The following APC variants were observed in gnomAD, a reference collection of about 807,000 sequenced individuals.
APC encodes the protein APC regulator of Wnt signaling pathway.
Under a neutral mutation model 247.0 loss-of-function variants are expected in APC, and 72 were observed. That is an observed-to-expected ratio of 0.29 (90% CI 0.24 to 0.35). The LOEUF (loss-of-function observed/expected upper bound fraction) is 0.35. Among genes scored for constraint, APC ranks in the 10% least tolerant of loss-of-function variants. The probability of loss-of-function intolerance (pLI) is 1.00; values close to 1 mark genes in which losing one functional copy is unlikely to be tolerated. For missense variants in APC, 3,400 were observed against 3,360.7 expected (o/e 1.01, Z -0.29); for synonymous variants, 1,254 against 1,162.5 (o/e 1.08, Z -1.60).
At chr5:112,791,003 TACA>T (rs1759523500) in intron 6 of APC, among the ~76,000 whole-genome samples, 1 of 152,212 alleles carries the variant, frequency 6.6e-6, no homozygotes, top group African/African-American at 2.4e-5. Context: ...CAGAAAATGG[TACA>T]ACATTGTCAG....
At chr5:112,777,739 G>C (rs1580367948) in intron 5 of APC, 1 of 238,508 alleles carries the variant, frequency 4.2e-6, no homozygotes, top group Non-Finnish European at 9.3e-6. Context: ...TTTGCCAGCA[G>C]CAACTCTGCC....
At position 112,788,846 on chromosome 5, in the gene APC, C is replaced by T. The variant is rs1008300978; in HGVS notation, c.646-3600C>T. ...ATCATCGCCGGTTTAAGATTCTATACACTGTCATATTGTTCGCAAATAATG... is the reference window on the plus strand; with the variant it reads ...ATCATCGCCGGTTTAAGATTCTATATACTGTCATATTGTTCGCAAATAATG... On this transcript the variant is annotated intron_variant, in intron 6 of 15. Transcript: ENST00000257430. Among the ~76,000 whole-genome samples the T allele has an allele frequency of 2.0e-5, 3 of 152,174 alleles. No individual in the cohort carries two copies. In the South Asian group the frequency reaches 6.2e-4, roughly 32 times the overall value.
intron 1 of APC, among the ~76,000 whole-genome samples, chr5:112,745,496 C>A (rs1023338414): frequency 6.6e-6 from 1 of 151,654 alleles, no homozygotes. Context: ...AAGGATGAAA[C>A]GAATAAGTGA....
rs138573493 is a variant in APC, at chr5:112,729,591, C to G, written c.165+21709C>G. ...ATCTAGATTATGCAGAGTTGTAAAC[C>G]AAGGTAAAGAATTTAAAATTTATTC... On this transcript the variant is annotated intron_variant, in intron 1 of 13. Coordinates refer to the APC transcript ENST00000507379. Among the ~76,000 whole-genome samples, 9 of 152,218 alleles carry G rather than the reference C, an allele frequency of 5.9e-5. No homozygotes were observed. In the East Asian group the frequency reaches 1.5e-3, roughly 26 times the overall value.
chr5:112,815,565 G>C lies in APC; in HGVS notation c.905G>C (p.Arg302Pro), dbSNP rs764841552. The change falls in exon 9 of 16, where the codon CGA becomes CCA. Residue 302 changes from arginine to proline, a missense_variant. Arg to Pro is a moderately radical substitution (Grantham distance 103). Around this residue, in one of 9 missense-constraint regions of APC, gnomAD observed 372 missense variants for 367.6 expected, o/e 1.01. Transcript: ENST00000257430. ...LSSSSTHSAP[R>P]RLTSHLGTKV... is the part of the protein sequence containing the mutation. ...TCTAGTAGCACACACTCTGCACCTC[G>C]AAGGCTGACAAGTCATCTGGGAACC... 6.2e-7 allele frequency: 1 copy of C among 1,611,776 alleles called. No individual in the cohort carries two copies.
intron 1 of APC, among the ~76,000 whole-genome samples, chr5:112,741,692 T>G (rs1753046669): frequency 6.6e-6 from 1 of 152,170 alleles, no homozygotes; most frequent in Non-Finnish European, 1.5e-5. Context: ...ATTCACATTG[T>G]TGTGCAACCA....
At chr5:112,761,265 A>G (rs1755639317) in intron 2 of APC, among the ~76,000 whole-genome samples, 1 of 152,236 alleles carries the variant, frequency 6.6e-6, no homozygotes, top group African/African-American at 2.4e-5. Context: ...TATGAAATGC[A>G]GAGAAACTGG....
intron 1 of APC, among the ~76,000 whole-genome samples, chr5:112,741,276 C>G (rs1257611900): frequency 6.6e-6 from 1 of 152,180 alleles, no homozygotes; most frequent in Non-Finnish European, 1.5e-5. Flanking sequence ...AAGATATCCT[C>G]TAATTTAGAA....
At chr5:112,736,581 T>C (rs1752400600), upstream of APC, among the ~76,000 whole-genome samples, 1 of 152,208 alleles carries the variant, frequency 6.6e-6, no homozygotes, top group African/African-American at 2.4e-5. Context: ...TTTCATACTA[T>C]TTGAAAATTA....
In APC at chr5:112,712,289, G is replaced by T. The variant is rs1040251436; in HGVS notation, c.165+4407G>T. 7.9e-5 allele frequency among the ~76,000 whole-genome samples: 12 copies of T among 152,170 alleles called. No homozygotes were observed. In the East Asian group the frequency reaches 2.3e-3, roughly 29 times the overall value. The stretch of plus-strand genomic sequence containing the variant: ...CCTACTTCCATTTCCTCCTGTATAT[G>T]TCTATCTTATATATACTACCCTAAG... On this transcript the variant is annotated intron_variant, in intron 1 of 13. Coordinates refer to the APC transcript ENST00000507379.
intron 1 of APC, among the ~76,000 whole-genome samples, chr5:112,715,660 T>G (rs1483038306): frequency 1.3e-5 from 2 of 152,208 alleles, no homozygotes; most frequent in Non-Finnish European, 2.9e-5. Context: ...TTTTAAAATT[T>G]GGTATTTATT....
intron 1 of APC, among the ~76,000 whole-genome samples, chr5:112,710,069 CAT>C (rs1750761350): frequency 2.0e-5 from 3 of 152,258 alleles, no homozygotes; most frequent in Middle Eastern, 3.4e-3. Flanking sequence ...ATCCCATGAT[CAT>C]CAGCTTTTAC....
intron 7 of APC, among the ~76,000 whole-genome samples, chr5:112,799,056 A>C (rs1222179002): frequency 6.6e-6 from 1 of 151,966 alleles, no homozygotes; most frequent in African/African-American, 2.4e-5. Context: ...CTAAAAATAC[A>C]AAACATAACC....
At chr5:112,748,440 A>G (rs1753919299) in intron 1 of APC, among the ~76,000 whole-genome samples, 1 of 152,170 alleles carries the variant, frequency 6.6e-6, no homozygotes, top group Admixed American at 6.5e-5. Context: ...TTTCTTTCCA[A>G]TGATAACACT....
chr5:112,730,205 TAATA>T (rs1752030416), intron 1 of APC, among the ~76,000 whole-genome samples: 1 of 152,256 alleles, frequency 6.6e-6, no homozygotes, highest in Non-Finnish European at 1.5e-5. Context: ...ATTCTGATTA[TAATA>T]AATCCATTCA....
Position 112,846,025 on chromosome 5 carries a change from A to G in APC, c.*1899A>G, listed in dbSNP as rs936260967. On this transcript the variant is annotated 3_prime_UTR_variant, in exon 16 of 16. Transcript: ENST00000257430. ...AATGAGAATGATTTTTTTTAAAGCT[A>G]AAATGCCAGTAAATAAAAGTGCTAT... The G allele has an allele frequency of 1.7e-5, 4 of 232,102 alleles. No homozygotes were observed. The highest frequency in any genetic ancestry group is 5.6e-5 in the Admixed American group (1 of 17,748). 14.4% of individuals were successfully genotyped at this position (232,102 alleles called of 1,614,324 possible). A position where few individuals can be genotyped will look rare whatever the true frequency, so the allele number is the denominator to read the frequency against.
upstream of APC, among the ~76,000 whole-genome samples, chr5:112,735,572 T>A (rs779098543): frequency 6.6e-5 from 10 of 151,906 alleles, no homozygotes; most frequent in Non-Finnish European, 1.5e-4. Context: ...AGGAGCTTTA[T>A]TCTGAGCTAT....
rs1371378897 is a variant in APC at position 112,841,303 on chromosome 5, C to T, written c.5709C>T (p.Asn1903=). ...CCAGCCACACAGAACTAACCTCCAACCAACAATCAGCTAATAAGACACAAG... is the reference window on the plus strand; with the variant it reads ...CCAGCCACACAGAACTAACCTCCAATCAACAATCAGCTAATAAGACACAAG... ...KVTSHTELTS[N]QQSANKTQAI... is the part of the protein sequence containing the mutation. Residue 1903 remains asparagine, a synonymous_variant, in exon 16 of 16, where the codon AAC becomes AAT. Coordinates refer to ENST00000257430, the MANE Select transcript of APC (RefSeq NM_000038.6). The surrounding 1 kb of genome is among the most constrained non-coding windows in gnomAD (Gnocchi z 4.6). The T allele has an allele frequency of 6.2e-7, 1 of 1,613,862 alleles. No individual in the cohort carries two copies. Among genetic ancestry groups the T allele is most frequent in the African/African-American group, 1.3e-5 (1 of 74,902 alleles).
At chr5:112,784,337 G>A (rs185499680) in intron 6 of APC, among the ~76,000 whole-genome samples, 274 of 152,238 alleles carry the variant, frequency 1.8e-3, no homozygotes, top group Non-Finnish European at 3.1e-3. Flanking sequence ...CAAAGTGCTG[G>A]GATTACAGGC....
Sources: gnomAD v4.1 joint callset for allele counts (sites outside exome capture counted in the v4.1 genomes callset) on GRCh38, gnomAD v4.1.1 for gene constraint, gnomAD v4.1.1 regional missense constraint, Gnocchi (gnomAD v3.1) non-coding constraint, MANE v1.5 for transcripts, NCBI Gene and HGNC (gene_info 2026-07-23, HGNC 2026-07-21) for gene names.